Variants in CASP6 observed in about 807,000 individuals in gnomAD.
The protein encoded by CASP6 is caspase-6.
Under a neutral mutation model 31.8 loss-of-function variants are expected in CASP6, and 20 were observed. The observed-to-expected ratio is 0.63, with a 90% CI of 0.44 to 0.91. CASP6 has a LOEUF of 0.91. Among genes scored for constraint, CASP6 ranks in the 40% least tolerant of loss-of-function variants. The pLI is 0.00. For missense variants in CASP6, 328 were observed against 361.1 expected (o/e 0.91, Z 0.74); for synonymous variants, 130 against 127.8 (o/e 1.02, Z -0.12).
chr4:109,685,095 G>C (rs963993062), downstream of CASP6: 2 of 504,030 alleles, frequency 4.0e-6, no homozygotes, highest in Admixed American at 3.4e-5. Flanking sequence ...TAAATGTTTT[G>C]TGTTGGCTTA....
At chr4:109,686,045 A>C (rs1414818980), downstream of CASP6, among the ~76,000 whole-genome samples, 1 of 152,228 alleles carries the variant, frequency 6.6e-6, no homozygotes, top group East Asian at 1.9e-4. Flanking sequence ...GTAGCTGGTA[A>C]TCAAACCTTT....
At chr4:109,672,751 C>A in the CASP6 span, among the ~76,000 whole-genome samples, 3 of 152,186 alleles carry the variant, frequency 2.0e-5, no homozygotes, top group African/African-American at 7.2e-5. Context: ...AAAAGTCCTC[C>A]AGCTTGAAGC....
At chr4:109,682,351 A>ACTG in the CASP6 span, among the ~76,000 whole-genome samples, 1 of 150,166 alleles carries the variant, frequency 6.7e-6, no homozygotes, top group Non-Finnish European at 1.5e-5. Flanking sequence ...TTGTATATGA[A>ACTG]CTGCTCTTCA....
upstream of CASP6, among the ~76,000 whole-genome samples, chr4:109,703,785 A>G (rs1730515112): frequency 1.3e-5 from 2 of 152,198 alleles, no homozygotes; most frequent in African/African-American, 4.8e-5. Flanking sequence ...CAGCTGCCCC[A>G]AACATTTGCT....
chr4:109,697,496 G>T, intron 3 of CASP6, 126 bp downstream of exon 3: 2 of 1,039,930 alleles, frequency 1.9e-6, no homozygotes, highest in Non-Finnish European at 1.4e-6. Context: ...CAAACTCCTT[G>T]CCTTAAGTGA....
At chr4:109,666,872 C>G in the CASP6 span, among the ~76,000 whole-genome samples, 1 of 152,052 alleles carries the variant, frequency 6.6e-6, no homozygotes, top group South Asian at 2.1e-4. Context: ...CTTCCTTAGT[C>G]TGTTGATATG....
At chr4:109,706,928 C>G (rs535581084), upstream of CASP6, among the ~76,000 whole-genome samples, 256 of 152,028 alleles carry the variant, frequency 1.7e-3, no homozygotes, top group Middle Eastern at 3.4e-3. Context: ...AAAAATGAAG[C>G]AAACTTCCTT....
rs183047328 is a variant in CASP6, at chr4:109,700,072, G to A, written c.41-1730C>T. Reference sequence around the variant, plus strand: ...GCTTCTGCTCCATACTGACTGCTGAGCCGAAGGCGGCTCACAACCTAACTC... The same window carrying A: ...GCTTCTGCTCCATACTGACTGCTGAACCGAAGGCGGCTCACAACCTAACTC... On this transcript the variant is annotated intron_variant, in intron 1 of 6. Transcript: ENST00000265164. 1.1e-3 allele frequency among the ~76,000 whole-genome samples: 166 copies of A among 152,286 alleles called. 1 individual carries two copies. Among genetic ancestry groups the A allele is most frequent in the African/African-American group, 3.6e-3 (151 of 41,570 alleles).
the CASP6 span, among the ~76,000 whole-genome samples, chr4:109,681,764 C>T: frequency 2.0e-5 from 3 of 152,172 alleles, no homozygotes; most frequent in East Asian, 1.9e-4. Flanking sequence ...CTGCTGGATC[C>T]GGAAGAATGT....
rs1729944567 is a variant in CASP6, at chr4:109,689,173, G to C, written c.*157C>G. 4.5e-6 allele frequency: 3 copies of C among 661,616 alleles called. No homozygotes were observed. The highest frequency in any genetic ancestry group is 8.0e-6 in the Non-Finnish European group (3 of 376,306). The allele number at this position is 661,616 out of a possible 1,614,324, so 41.0% of individuals were successfully genotyped here. A position where few individuals can be genotyped will look rare whatever the true frequency, so the allele number is the denominator to read the frequency against. On this transcript the variant is annotated 3_prime_UTR_variant, in exon 7 of 7. Coordinates refer to ENST00000265164, the MANE Select transcript of CASP6 (RefSeq NM_001226.4). ...TTTTTGCATTTTTAGTAGAGACGGG[G>C]CTTCTCCATGTTGGTCAGGCTGGTC...
chr4:109,685,740 T>C (rs1338786524), downstream of CASP6, among the ~76,000 whole-genome samples: 1 of 152,188 alleles, frequency 6.6e-6, no homozygotes, highest in Non-Finnish European at 1.5e-5. Flanking sequence ...GAAGAATCAT[T>C]ATAGTATTCC....
the CASP6 span, chr4:109,674,138 G>C: frequency 1.5e-6 from 2 of 1,319,038 alleles, no homozygotes; most frequent in Admixed American, 3.4e-5. Context: ...AAGAGATGCT[G>C]CCTTGTTGGA....
chr4:109,687,487 C>T (rs761626480), downstream of CASP6: 3 of 1,520,026 alleles, frequency 2.0e-6, no homozygotes, highest in South Asian at 3.4e-5. Flanking sequence ...TCTTTCTGAT[C>T]ACATGCTTTT....
Position 109,690,980 on chromosome 4 carries a change from T to TG in CASP6, c.512dup (p.Val172SerfsTer9), listed in dbSNP as rs1446778645. ...TATCTACTACATCCAAAGGAATGAC[T>TG]GGCACATCGTGCTGGTTTCCCCGAC... On this transcript the variant is annotated frameshift_variant, in exon 6 of 7. Transcript: ENST00000265164. LOFTEE classifies it high-confidence loss of function. 2 of 1,612,824 alleles carry TG rather than the reference T, an allele frequency of 1.2e-6. No individual in the cohort carries two copies. The highest frequency in any genetic ancestry group is 1.7e-6 in the Non-Finnish European group (2 of 1,179,540).
chr4:109,685,843 G>A (rs1344412209), downstream of CASP6, among the ~76,000 whole-genome samples: 2 of 152,114 alleles, frequency 1.3e-5, no homozygotes, highest in African/African-American at 4.8e-5. Context: ...GTTTGATTTC[G>A]GAGTCTATAT....
At chr4:109,705,651 G>A (rs996796392), upstream of CASP6, among the ~76,000 whole-genome samples, 3 of 151,928 alleles carry the variant, frequency 2.0e-5, no homozygotes, top group East Asian at 3.9e-4. Flanking sequence ...TGTAACTAGA[G>A]ACTAGAGGGG....
chr4:109,688,325 G>A (rs3212153), downstream of CASP6: 15,346 of 152,182 alleles, frequency 0.1, 881 homozygotes, highest in Non-Finnish European at 0.13. Flanking sequence ...ATGTGATTGT[G>A]TGTGAATGGG....
downstream of CASP6, among the ~76,000 whole-genome samples, chr4:109,684,065 C>CT (rs71595507): frequency 0.23 from 32,742 of 140,006 alleles, 3,918 homozygotes; most frequent in African/African-American, 0.28. Flanking sequence ...TTCCTCTTTT[C>CT]TTTTTTTTTT....
the CASP6 span, among the ~76,000 whole-genome samples, chr4:109,674,863 G>C: frequency 6.6e-6 from 1 of 152,198 alleles, no homozygotes; most frequent in African/African-American, 2.4e-5. Context: ...AAATGTGTGT[G>C]TTGCTTATTT....
Sources: gnomAD v4.1 joint callset for allele counts (sites outside exome capture counted in the v4.1 genomes callset) on GRCh38, gnomAD v4.1.1 for gene constraint, MANE v1.5 for transcripts, NCBI Gene and HGNC (gene_info 2026-07-23, HGNC 2026-07-21) for gene names.